The following GREB1L variants were observed in gnomAD, a reference collection of about 807,000 sequenced individuals.
GREB1L encodes the protein GREB1 like retinoic acid receptor coactivator.
GREB1L carries 17 observed loss-of-function variants against 200.8 expected under a neutral mutation model. That is an observed-to-expected ratio of 0.08 (90% confidence interval 0.06 to 0.13). GREB1L has a LOEUF of 0.13. GREB1L is among the 10% of genes least tolerant of loss of function. GREB1L has a pLI of 1.00. For missense variants in GREB1L, 1,657 were observed against 2,367.7 expected (o/e 0.70, Z 6.23); for synonymous variants, 789 against 893.0 (o/e 0.88, Z 2.08).
chr18:21,350,238 CTT>C (rs1019497941), intron 1 of GREB1L, among the ~76,000 whole-genome samples: 28 of 133,228 alleles, frequency 2.1e-4, no homozygotes, highest in Admixed American at 2.3e-4. Context: ...TTCTTTCTTT[CTT>C]TTTTTTTTTT....
chr18:21,482,965 G>T (rs2035981366), intron 17 of GREB1L, among the ~76,000 whole-genome samples: 1 of 152,132 alleles, frequency 6.6e-6, no homozygotes, highest in African/African-American at 2.4e-5. Context: ...TTAAAGGATG[G>T]TTCCACTCAT....
chr18:21,356,079 C>T (rs1312152937), intron 1 of GREB1L, among the ~76,000 whole-genome samples: 23 of 150,514 alleles, frequency 1.5e-4, no homozygotes, highest in East Asian at 3.9e-4. Flanking sequence ...CTCCACCTCC[C>T]GGGTTCACGC....
chr18:21,244,079 A>G (rs2037555305), intron 1 of GREB1L, among the ~76,000 whole-genome samples: 1 of 152,220 alleles, frequency 6.6e-6, no homozygotes, highest in Non-Finnish European at 1.5e-5. Context: ...TCATGATGAC[A>G]TGAGATTATT....
intron 7 of GREB1L, among the ~76,000 whole-genome samples, chr18:21,413,385 C>T (rs746159535): frequency 5.9e-5 from 9 of 152,196 alleles, no homozygotes; most frequent in Non-Finnish European, 1.2e-4. Context: ...CTCCTTTGGG[C>T]ACTTACTTCC....
At chr18:21,501,768 G>A (rs942436489) in intron 23 of GREB1L, among the ~76,000 whole-genome samples, 5 of 152,134 alleles carry the variant, frequency 3.3e-5, no homozygotes, top group Admixed American at 1.3e-4. Flanking sequence ...GTGAAGGCAC[G>A]GGATTACTAT....
chr18:21,373,062 A>T (rs2039942102), intron 2 of GREB1L, among the ~76,000 whole-genome samples: 1 of 151,806 alleles, frequency 6.6e-6, no homozygotes, highest in African/African-American at 2.4e-5. Flanking sequence ...TTCTAGAGGG[A>T]TGACTAAATT....
intron 2 of GREB1L, among the ~76,000 whole-genome samples, chr18:21,372,055 T>C (rs550279277): frequency 5.5e-4 from 84 of 152,278 alleles, no homozygotes; most frequent in African/African-American, 1.8e-3. Flanking sequence ...GTAGTATTTC[T>C]ATAAATGCTG....
chr18:21,412,134 A>C (rs2031117537), intron 7 of GREB1L, among the ~76,000 whole-genome samples: 1 of 151,350 alleles, frequency 6.6e-6, no homozygotes, highest in Non-Finnish European at 1.5e-5. Flanking sequence ...GAGGTGGCTC[A>C]TGCCTGTAGT....
chr18:21,347,287 AAAAC>A (rs2039361237), intron 1 of GREB1L, among the ~76,000 whole-genome samples: 2 of 151,704 alleles, frequency 1.3e-5, no homozygotes, highest in African/African-American at 4.8e-5. Flanking sequence ...TCAAAAAAAA[AAAAC>A]AAACAAAAAC....
At chr18:21,400,270 T>C (rs2041263366) in intron 5 of GREB1L, among the ~76,000 whole-genome samples, 1 of 152,200 alleles carries the variant, frequency 6.6e-6, no homozygotes, top group Non-Finnish European at 1.5e-5. Context: ...CTTTTTTCCA[T>C]GTCCCCTGTT....
intron 14 of GREB1L, among the ~76,000 whole-genome samples, chr18:21,453,383 G>T (rs1263859143): frequency 6.6e-6 from 1 of 152,138 alleles, no homozygotes; most frequent in East Asian, 1.9e-4. Context: ...GGCTGTCTTT[G>T]CCTCGGCTGC....
At chr18:21,273,048 G>A (rs1430004174) in intron 1 of GREB1L, among the ~76,000 whole-genome samples, 5 of 152,284 alleles carry the variant, frequency 3.3e-5, no homozygotes, top group Middle Eastern at 3.4e-3. Context: ...CCAACATGGC[G>A]AAACCCCATC....
intron 1 of GREB1L, among the ~76,000 whole-genome samples, chr18:21,306,098 AT>A (rs903582949): frequency 6.6e-6 from 1 of 152,126 alleles, no homozygotes; most frequent in East Asian, 1.9e-4. Context: ...GTACCTGTTT[AT>A]TGTAATTCGC....
At chr18:21,316,566 T>C (rs1293605886) in intron 1 of GREB1L, among the ~76,000 whole-genome samples, 1 of 152,170 alleles carries the variant, frequency 6.6e-6, no homozygotes, top group East Asian at 1.9e-4. Flanking sequence ...CCACATGCTT[T>C]TGTGCTCTTG....
intron 7 of GREB1L, among the ~76,000 whole-genome samples, chr18:21,427,035 C>G (rs2032670711): frequency 2.7e-5 from 4 of 146,926 alleles, no homozygotes; most frequent in African/African-American, 9.9e-5. Context: ...TGCATTTTTA[C>G]TTGAATTTTA....
chr18:21,250,229 T>C lies in GREB1L; in HGVS notation c.-120+7836T>C, dbSNP rs141907914. 1.7e-3 allele frequency among the ~76,000 whole-genome samples: 261 copies of C among 152,286 alleles called. 2 individuals are homozygous for C. Among genetic ancestry groups the C allele is most frequent in the Admixed American group, 0.012 (183 of 15,292 alleles). ...AGATCTTTTTACTTCAAATTCTTTG[T>C]TCTCTCTAGTGCACCACACTCTCAG... On this transcript the variant is annotated intron_variant, in intron 1 of 32. Coordinates refer to ENST00000424526, the MANE Select transcript of GREB1L (RefSeq NM_001142966.3).
intron 1 of GREB1L, among the ~76,000 whole-genome samples, chr18:21,247,287 T>G (rs1474932608): frequency 6.6e-6 from 1 of 152,230 alleles, no homozygotes; most frequent in Non-Finnish European, 1.5e-5. Context: ...CACTATCTTT[T>G]CAAGGTTGTG....
intron 15 of GREB1L, among the ~76,000 whole-genome samples, chr18:21,467,288 T>A (rs1237067138): frequency 6.6e-6 from 1 of 152,254 alleles, no homozygotes; most frequent in Non-Finnish European, 1.5e-5. Flanking sequence ...AAGGACCTCA[T>A]CAAGAAAGTG....
rs2037630036 is a variant in GREB1L, at chr18:21,523,064, T to TAAGA, written c.*244_*247dup. The TAAGA allele has an allele frequency of 2.6e-6, 1 of 387,032 alleles. No individual in the cohort carries two copies. The highest frequency in any genetic ancestry group is 2.1e-5 in the African/African-American group (1 of 48,466). 24.0% of individuals were successfully genotyped at this position (387,032 alleles called of 1,614,324 possible). ...TATCCTAGGCAGTTATGCAATTACT[T>TAAGA]AAGATACGGTCTGCCCATGGGATCC... On this transcript the variant is annotated 3_prime_UTR_variant, in exon 33 of 33. Transcript: ENST00000424526.
Sources: gnomAD v4.1 joint callset for allele counts (sites outside exome capture counted in the v4.1 genomes callset) on GRCh38, gnomAD v4.1.1 for gene constraint, MANE v1.5 for transcripts, NCBI Gene and HGNC (gene_info 2026-07-23, HGNC 2026-07-21) for gene names.